The following ECD variants were observed in gnomAD, a reference collection of about 807,000 sequenced individuals.
ECD encodes ecdysoneless cell cycle regulator.
A neutral mutation model predicts 77.2 loss-of-function variants in ECD; 59 were observed. The observed-to-expected ratio is 0.76, with a 90% CI of 0.62 to 0.95. The LOEUF (loss-of-function observed/expected upper bound fraction) is 0.95. ECD is among the 40% of genes least tolerant of loss of function. The pLI is 0.00. For synonymous variants in ECD, 233 were observed against 267.4 expected (o/e 0.87, Z 1.26); for missense variants, 704 against 763.4 (o/e 0.92, Z 0.92).
At chr10:73,156,730 T>C (rs1843301828) in intron 3 of ECD, 75 bp from the exon 4 acceptor site, 3 of 1,343,632 alleles carry the variant, frequency 2.2e-6, no homozygotes, top group African/African-American at 2.9e-5. Context: ...TTCATTCTAA[T>C]ACATTTTCCT....
rs527834762 is a variant in ECD at position 73,143,741 on chromosome 10, C to T, written c.1127+2535G>A. The stretch of plus-strand genomic sequence containing the variant: ...TAATTAAGTTATCATTGACTATAGT[C>T]ACCCTGTTGTACTATCAAATAGTAG... On this transcript the variant is annotated intron_variant, in intron 9 of 13. Transcript: ENST00000372979. Among the ~76,000 whole-genome samples the T allele has an allele frequency of 1.3e-4, 19 of 148,912 alleles. No individual in the cohort carries two copies. In the East Asian group the frequency reaches 3.8e-3, roughly 30 times the overall value.
intron 3 of ECD, 117 bp from the exon 4 acceptor site, chr10:73,156,772 A>G: frequency 1.1e-6 from 1 of 937,216 alleles, no homozygotes; most frequent in Non-Finnish European, 1.6e-6. Flanking sequence ...AGTATGTACT[A>G]TGTGCAGATG....
intron 12 of ECD, among the ~76,000 whole-genome samples, chr10:73,137,498 G>A (rs1388856613): frequency 5.3e-5 from 8 of 152,132 alleles, no homozygotes; most frequent in African/African-American, 9.7e-5. Flanking sequence ...TAATGAGGCC[G>A]GGCACGGTGG....
chr10:73,148,960 C>T (rs1171194267), intron 7 of ECD, among the ~76,000 whole-genome samples: 2 of 152,132 alleles, frequency 1.3e-5, no homozygotes, highest in Non-Finnish European at 2.9e-5. Flanking sequence ...TATGTGTGTG[C>T]CTCTCTGTAT....
intron 9 of ECD, among the ~76,000 whole-genome samples, chr10:73,142,753 G>A (rs1034895308): frequency 2.6e-5 from 4 of 151,668 alleles, no homozygotes; most frequent in Non-Finnish European, 4.4e-5. Context: ...AGTATACTTC[G>A]GCACTTTTCT....
chr10:73,152,217 T>G, intron 7 of ECD, 76 bp downstream of exon 7: 1 of 1,530,000 alleles, frequency 6.5e-7, no homozygotes. Flanking sequence ...TTCTGGACTT[T>G]GTATATTGTG....
At position 73,134,337 on chromosome 10, in the gene ECD, G is replaced by A; in HGVS notation, c.*246C>T. ...GGTATGTCTTTAGCATGAAGTGTGT[G>A]AATTTCATCTCAAGGTTGTCTAGGG... On this transcript the variant is annotated 3_prime_UTR_variant, in exon 14 of 14. Coordinates refer to ENST00000372979, the MANE Select transcript of ECD (RefSeq NM_007265.3). 1 of 474,296 alleles carries A rather than the reference G, an allele frequency of 2.1e-6. No homozygotes were observed. Among genetic ancestry groups the A allele is most frequent in the East Asian group, 3.6e-5 (1 of 28,042 alleles). 29.4% of individuals were successfully genotyped at this position (474,296 alleles called of 1,614,324 possible). A position where few individuals can be genotyped will look rare whatever the true frequency, so the allele number is the denominator to read the frequency against.
rs1182541028 is a variant in ECD at position 73,134,757 on chromosome 10, T to C, written c.1761A>G (p.Gly587=). 13 of 1,614,036 alleles carry C rather than the reference T, an allele frequency of 8.1e-6. No homozygotes were observed. The highest frequency in any genetic ancestry group is 1.0e-5 in the Non-Finnish European group (12 of 1,180,038). Residue 587 remains glycine (G), a synonymous_variant, in exon 14 of 14, where the codon GGA becomes GGG. Transcript: ENST00000372979. ...NNSDEEDSGT[G]ESVMAPVDVD... ...CATCTACTGGTGCCATAACAGATTC[T>C]CCCGTACCAGAATCTTCCTCATCTG...
In ECD at chr10:73,156,571, A is replaced by G. The variant is rs1309656033; in HGVS notation, c.408T>C (p.Asn136=). Residue 136 remains asparagine, a synonymous_variant, in exon 4 of 14, where the codon AAT becomes AAC. Coordinates refer to ENST00000372979, the MANE Select transcript of ECD (RefSeq NM_007265.3). The stretch of plus-strand genomic sequence containing the variant: ...TTCTAAACTTGGGTATACTTACCCT[A>G]TTGGTGCTATTTTCAGGATCCAGCC... The part of the protein sequence containing the change: ...PKWLDPENST[N]RVFFCHGELC... 6.2e-7 allele frequency: 1 copy of G among 1,614,174 alleles called. No individual in the cohort carries two copies. Among genetic ancestry groups the G allele is most frequent in the African/African-American group, 1.3e-5 (1 of 75,072 alleles).
chr10:73,163,686 G>C, intron 2 of ECD, 47 bp downstream of exon 2: 1 of 1,578,448 alleles, frequency 6.3e-7, no homozygotes, highest in Non-Finnish European at 8.7e-7. Flanking sequence ...CTGTTGTCAG[G>C]ATAACATTAA....
chr10:73,142,598 C>T (rs1166276977), intron 9 of ECD, among the ~76,000 whole-genome samples: 1 of 143,914 alleles, frequency 6.9e-6, no homozygotes, highest in African/African-American at 2.6e-5. Context: ...CGTGCCACTA[C>T]ACTCCAGCCT....
intron 7 of ECD, among the ~76,000 whole-genome samples, chr10:73,150,739 G>A (rs1843191153): frequency 6.6e-6 from 1 of 152,170 alleles, no homozygotes; most frequent in Non-Finnish European, 1.5e-5. Context: ...CTTCTCAAAA[G>A]AAGACATTTA....
At chr10:73,152,223 T>C (rs1034882894) in intron 7 of ECD, 70 bp downstream of exon 7, 57 of 1,542,630 alleles carry the variant, frequency 3.7e-5, no homozygotes, top group Non-Finnish European at 4.9e-5. Context: ...ACTTTGTATA[T>C]TGTGCCACTA....
At chr10:73,135,778 A>G (rs1216828033) in intron 13 of ECD, among the ~76,000 whole-genome samples, 4 of 151,822 alleles carry the variant, frequency 2.6e-5, no homozygotes, top group Non-Finnish European at 5.9e-5. Flanking sequence ...AAAAAAAGGA[A>G]AATCTCAAGC....
At position 73,148,352 on chromosome 10, in the gene ECD, C is replaced by T. The variant is rs755122185; in HGVS notation, c.965G>A (p.Cys322Tyr). 2.4e-5 allele frequency: 39 copies of T among 1,613,788 alleles called. No individual in the cohort carries two copies. The highest frequency in any genetic ancestry group is 1.6e-4 in the Middle Eastern group (1 of 6,084). ...TGAGGCAGTCACAAGGGATTTCTTG[C>T]AGTCAGAAAAATGTGGGCTACATTT... Reference protein sequence around the residue: ...CSKCSPHFSDCKKSLVTASPL... With the variant: ...CSKCSPHFSDYKKSLVTASPL... The change falls in exon 8 of 14, where the codon TGC becomes TAC. Residue 322 changes from cysteine to tyrosine, a missense_variant. Cys to Tyr is a radical substitution (Grantham distance 194, BLOSUM62 -2). This residue lies in a region of ECD where 559 missense variants were observed against 583.7 expected (regional missense o/e 0.96). Coordinates refer to ENST00000372979, the MANE Select transcript of ECD (RefSeq NM_007265.3).
At chr10:73,143,785 ATTTT>A (rs11306116) in intron 9 of ECD, among the ~76,000 whole-genome samples, 1 of 118,946 alleles carries the variant, frequency 8.4e-6, no homozygotes, top group Non-Finnish European at 1.7e-5. Context: ...CATTCGTTCT[ATTTT>A]TTTTTTTTTT....
chr10:73,140,740 C>A (rs1488434172), intron 9 of ECD, among the ~76,000 whole-genome samples: 1 of 150,472 alleles, frequency 6.6e-6, no homozygotes, highest in Non-Finnish European at 1.5e-5. Flanking sequence ...ACACAATTGG[C>A]CTTCCTTTTT....
intron 2 of ECD, among the ~76,000 whole-genome samples, chr10:73,162,704 C>T (rs956900832): frequency 6.6e-6 from 1 of 152,180 alleles, no homozygotes; most frequent in Non-Finnish European, 1.5e-5. Flanking sequence ...TAAGACCTCA[C>T]ATAAGTCACT....
At chr10:73,138,528 C>T (rs1297906174) in intron 11 of ECD, among the ~76,000 whole-genome samples, 2 of 152,062 alleles carry the variant, frequency 1.3e-5, no homozygotes, top group Admixed American at 1.3e-4. Context: ...AGCATCAACA[C>T]TAATAATGAT....
Sources: allele counts gnomAD v4.1 joint callset (sites outside exome capture counted in the v4.1 genomes callset), GRCh38; gene constraint gnomAD v4.1.1; regional missense constraint gnomAD v4.1.1; transcripts MANE v1.5; gene names NCBI Gene and HGNC (gene_info 2026-07-23, HGNC 2026-07-21).